CBFA2T2: variants seen among roughly 807,000 people sequenced by gnomAD.
The protein encoded by CBFA2T2 is CBFA2/RUNX1 partner transcriptional co-repressor 2.
A neutral mutation model predicts 62.2 loss-of-function variants in CBFA2T2; 11 were observed. The observed-to-expected ratio is 0.18, with a 90% CI of 0.11 to 0.29. The LOEUF (loss-of-function observed/expected upper bound fraction) is 0.29. Ranked by LOEUF, CBFA2T2 falls within the 10% of genes least tolerant of loss-of-function variation. CBFA2T2 has a pLI of 1.00. For missense variants in CBFA2T2, 592 were observed against 774.1 expected (o/e 0.76, Z 2.79); for synonymous variants, 295 against 287.5 (o/e 1.03, Z -0.27).
intron 1 of CBFA2T2, among the ~76,000 whole-genome samples, chr20:33,503,346 C>T (rs1370407672): frequency 1.3e-5 from 2 of 149,742 alleles, no homozygotes; most frequent in African/African-American, 4.9e-5. Flanking sequence ...CCTCTGCCTC[C>T]CGGGTTCAAG....
In CBFA2T2 at chr20:33,623,147, G is replaced by A. The variant is rs1448189210; in HGVS notation, c.543G>A (p.Leu181=). ...TGCCCCTGCTGCAGCGGGAACTGCT[G>A]CACTGCGCTCGGGCGGCCAAGCAGA... ...ANLPLLQREL[L]HCARAAKQTP... The change falls in exon 5 of 11, where the codon CTG becomes CTA. Residue 181 remains leucine (L), a synonymous_variant. Coordinates refer to ENST00000342704, the MANE Select transcript of CBFA2T2 (RefSeq NM_001032999.3). 1.9e-6 allele frequency: 3 copies of A among 1,614,132 alleles called. No individual in the cohort carries two copies. The highest frequency in any genetic ancestry group is 2.2e-5 in the East Asian group (1 of 44,896).
intron 10 of CBFA2T2, among the ~76,000 whole-genome samples, chr20:33,643,822 A>G: frequency 1.6e-5 from 1 of 64,258 alleles, no homozygotes; most frequent in African/African-American, 9.5e-5. Flanking sequence ...TATATAGTAT[A>G]TAATGTGTGT....
chr20:33,627,736 T>C (rs2016294918), intron 6 of CBFA2T2, among the ~76,000 whole-genome samples: 1 of 152,214 alleles, frequency 6.6e-6, no homozygotes, highest in Non-Finnish European at 1.5e-5. Context: ...ACTATGAATA[T>C]TATGACTATA....
At chr20:33,545,980 G>A (rs1412751084) in intron 1 of CBFA2T2, among the ~76,000 whole-genome samples, 3 of 152,182 alleles carry the variant, frequency 2.0e-5, no homozygotes, top group African/African-American at 7.2e-5. Flanking sequence ...AATAATGAAA[G>A]CATTACTGTA....
At chr20:33,620,501 C>A (rs1365930728) in intron 4 of CBFA2T2, among the ~76,000 whole-genome samples, 1 of 145,144 alleles carries the variant, frequency 6.9e-6, no homozygotes, top group Non-Finnish European at 1.5e-5. Flanking sequence ...GTGAGACATT[C>A]TCAAAAATAA....
intron 1 of CBFA2T2, among the ~76,000 whole-genome samples, chr20:33,604,050 A>G (rs2015244848): frequency 6.6e-6 from 1 of 152,190 alleles, no homozygotes; most frequent in Non-Finnish European, 1.5e-5. Context: ...CTTCCATCAA[A>G]AATGCCACTT....
chr20:33,634,694 AAAG>A (rs2016573248), intron 8 of CBFA2T2, among the ~76,000 whole-genome samples: 2 of 145,866 alleles, frequency 1.4e-5, no homozygotes, highest in African/African-American at 5.5e-5. Flanking sequence ...AAAAAAAAAA[AAAG>A]AATCTGAATA....
chr20:33,514,213 T>TTG (rs1439154282), intron 1 of CBFA2T2, among the ~76,000 whole-genome samples: 3 of 125,682 alleles, frequency 2.4e-5, no homozygotes, highest in East Asian at 2.4e-4. Flanking sequence ...TTTGTTTTTT[T>TTG]TTTTTTTTTT....
intron 1 of CBFA2T2, among the ~76,000 whole-genome samples, chr20:33,537,348 G>T (rs767116066): frequency 6.6e-6 from 1 of 152,240 alleles, no homozygotes; most frequent in Non-Finnish European, 1.5e-5. Context: ...CCAGTCAGGC[G>T]TGGCAGCGCG....
chr20:33,603,696 A>G (rs1349568672), intron 1 of CBFA2T2, among the ~76,000 whole-genome samples: 5 of 152,144 alleles, frequency 3.3e-5, no homozygotes, highest in African/African-American at 4.8e-5. Flanking sequence ...CTTAAGCCAC[A>G]ATTGAGGGAA....
intron 10 of CBFA2T2, among the ~76,000 whole-genome samples, chr20:33,643,579 C>T (rs1420991986): frequency 6.6e-6 from 1 of 151,250 alleles, no homozygotes; most frequent in Admixed American, 6.6e-5. Flanking sequence ...ACAGCAGCAG[C>T]AGCCTTCGTT....
In CBFA2T2 at chr20:33,645,830, G is replaced by A. The variant is rs1052706924; in HGVS notation, c.*1184G>A. On this transcript the variant is annotated 3_prime_UTR_variant, in exon 11 of 11. Transcript: ENST00000342704. ...TCCTTCTCTTGTGTTATCTGATAGC[G>A]TCCCTCCTTGAGCTCATCAGAAAGG... is the stretch of plus-strand genomic sequence containing the variant. The A allele has an allele frequency of 2.0e-5, 3 of 152,124 alleles. No homozygotes were observed. Among genetic ancestry groups the A allele is most frequent in the South Asian group, 2.1e-4 (1 of 4,830 alleles). 9.4% of individuals were successfully genotyped at this position (152,124 alleles called of 1,614,324 possible).
intron 1 of CBFA2T2, among the ~76,000 whole-genome samples, chr20:33,513,774 A>G (rs540294936): frequency 7.0e-5 from 10 of 143,240 alleles, no homozygotes; most frequent in African/African-American, 1.3e-4. Context: ...AGATTGCGCA[A>G]CTGCGCTACT....
At chr20:33,551,148 A>G (rs1342089566) in intron 1 of CBFA2T2, among the ~76,000 whole-genome samples, 1 of 152,084 alleles carries the variant, frequency 6.6e-6, no homozygotes, top group African/African-American at 2.4e-5. Flanking sequence ...TATATCCCTT[A>G]CTTAAAATAT....
chr20:33,642,075 C>T (rs893281789), intron 10 of CBFA2T2, among the ~76,000 whole-genome samples: 1 of 151,222 alleles, frequency 6.6e-6, no homozygotes, highest in African/African-American at 2.4e-5. Context: ...TTTAATCCCC[C>T]TCCCTTTTCG....
intron 3 of CBFA2T2, among the ~76,000 whole-genome samples, chr20:33,614,923 C>A (rs567606594): frequency 6.6e-6 from 1 of 152,204 alleles, no homozygotes; most frequent in Admixed American, 6.5e-5. Context: ...TACAAGCAGG[C>A]CTTTCTAAGG....
At chr20:33,622,153 C>A (rs1171090430) in intron 4 of CBFA2T2, among the ~76,000 whole-genome samples, 1 of 151,990 alleles carries the variant, frequency 6.6e-6, no homozygotes, top group Non-Finnish European at 1.5e-5. Flanking sequence ...TAGTCAAATT[C>A]CTTATTCTTA....
At chr20:33,545,464 T>TCTTTCTTTCTTA (rs1158804560) in intron 1 of CBFA2T2, among the ~76,000 whole-genome samples, 13 of 152,146 alleles carry the variant, frequency 8.5e-5, no homozygotes, top group African/African-American at 2.9e-4. Context: ...TTTCTTTCTT[T>TCTTTCTTTCTTA]CTTTCTTTCG....
At chr20:33,559,437 G>A (rs1160750988) in intron 1 of CBFA2T2, among the ~76,000 whole-genome samples, 1 of 151,978 alleles carries the variant, frequency 6.6e-6, no homozygotes, top group Non-Finnish European at 1.5e-5. Flanking sequence ...GCCTCCCAAG[G>A]TGCTGGGATT....
Sources: allele counts gnomAD v4.1 joint callset (sites outside exome capture counted in the v4.1 genomes callset), GRCh38; gene constraint gnomAD v4.1.1; transcripts MANE v1.5; gene names NCBI Gene and HGNC (gene_info 2026-07-23, HGNC 2026-07-21).